The following FUT9 variants were observed in gnomAD, a reference collection of about 807,000 sequenced individuals.
The protein encoded by FUT9 is 4-galactosyl-N-acetylglucosaminide 3-alpha-L-fucosyltransferase 9.
A neutral mutation model predicts 29.7 loss-of-function variants in FUT9; 15 were observed. The observed-to-expected ratio is 0.51, with a 90% CI of 0.34 to 0.78. The LOEUF (loss-of-function observed/expected upper bound fraction) is 0.78, where lower values mean the gene tolerates loss of function less well. Among genes scored for constraint, FUT9 ranks in the 30% least tolerant of loss-of-function variants. FUT9 has a pLI of 0.01. For missense variants in FUT9, 319 were observed against 425.4 expected (o/e 0.75, Z 2.20); for synonymous variants, 169 against 153.7 (o/e 1.10, Z -0.74).
intron 2 of FUT9, among the ~76,000 whole-genome samples, chr6:96,138,384 A>T (rs143674566): frequency 6.3e-4 from 96 of 152,158 alleles, no homozygotes; most frequent in Middle Eastern, 3.4e-3. Context: ...CTGTAAAAAT[A>T]GATCAGGACG....
chr6:96,090,810 C>G (rs1384894966), intron 1 of FUT9, among the ~76,000 whole-genome samples: 1 of 151,814 alleles, frequency 6.6e-6, no homozygotes, highest in African/African-American at 2.4e-5. Context: ...GTAATTTAAA[C>G]ACCTAAAGTA....
intron 2 of FUT9, among the ~76,000 whole-genome samples, chr6:96,187,878 A>G (rs1450375001): frequency 6.6e-6 from 1 of 152,186 alleles, no homozygotes; most frequent in Admixed American, 6.6e-5. Flanking sequence ...TCAACAAAGC[A>G]GCACATAAGG....
Position 96,076,209 on chromosome 6 carries a change from C to T in FUT9, c.-97-37830C>T, listed in dbSNP as rs17778302. 2.5e-3 allele frequency among the ~76,000 whole-genome samples: 385 copies of T among 152,170 alleles called. 1 individual carries two copies. Among genetic ancestry groups the T allele is most frequent in the Non-Finnish European group, 3.9e-3 (266 of 67,996 alleles). On this transcript the variant is annotated intron_variant, in intron 1 of 2. Coordinates refer to ENST00000302103, the MANE Select transcript of FUT9 (RefSeq NM_006581.4). ...TTTGCATTTTCTACACCAAATGGTA[C>T]TTTATAACTTGATGTCAAGATTTAA... is the stretch of plus-strand genomic sequence containing the variant.
chr6:96,189,843 G>A (rs527356678), intron 2 of FUT9, among the ~76,000 whole-genome samples: 71 of 152,194 alleles, frequency 4.7e-4, no homozygotes, highest in African/African-American at 1.7e-3. Flanking sequence ...ACACTCATGG[G>A]TCTTGACTCT....
At chr6:96,132,605 G>A (rs1772268166) in intron 2 of FUT9, among the ~76,000 whole-genome samples, 1 of 152,064 alleles carries the variant, frequency 6.6e-6, no homozygotes, top group African/African-American at 2.4e-5. Context: ...GGACTTGTTA[G>A]CACTAAGCTA....
intron 2 of FUT9, among the ~76,000 whole-genome samples, chr6:96,162,201 T>C (rs1315967867): frequency 6.6e-6 from 1 of 152,238 alleles, no homozygotes; most frequent in Non-Finnish European, 1.5e-5. Context: ...GCTTTTTCTC[T>C]TCAAAACATG....
intron 2 of FUT9, among the ~76,000 whole-genome samples, chr6:96,129,984 A>T (rs2127968673): frequency 6.6e-6 from 1 of 152,186 alleles, no homozygotes; most frequent in Non-Finnish European, 1.5e-5. Flanking sequence ...CCACAGTTGT[A>T]GGGCTTAGCT....
chr6:96,094,951 CAGTGTACACGGTACCCAA>C (rs1472892416), intron 1 of FUT9, among the ~76,000 whole-genome samples: 1 of 152,082 alleles, frequency 6.6e-6, no homozygotes, highest in African/African-American at 2.4e-5. Flanking sequence ...ATCTCCTGAG[CAGTGTACACGGTACCCAA>C]AGTGTAGCAC....
At chr6:96,153,710 G>A (rs145438268) in intron 2 of FUT9, among the ~76,000 whole-genome samples, 72 of 152,252 alleles carry the variant, frequency 4.7e-4, no homozygotes, top group Middle Eastern at 3.4e-3. Context: ...AACCTCCTGA[G>A]ATCTCTCATT....
intron 2 of FUT9, among the ~76,000 whole-genome samples, chr6:96,153,987 A>C (rs930863606): frequency 9.9e-5 from 15 of 152,200 alleles, no homozygotes; most frequent in Admixed American, 9.8e-4. Context: ...TTTGATCATC[A>C]GACTGTATGT....
intron 2 of FUT9, among the ~76,000 whole-genome samples, chr6:96,149,070 T>G (rs1165643930): frequency 6.6e-6 from 1 of 151,780 alleles, no homozygotes; most frequent in Non-Finnish European, 1.5e-5. Flanking sequence ...GCAGGAGAAC[T>G]GCTTGAACTC....
At chr6:96,054,691 T>G (rs1055949471) in intron 1 of FUT9, among the ~76,000 whole-genome samples, 85 of 152,186 alleles carry the variant, frequency 5.6e-4, no homozygotes, top group African/African-American at 2.0e-3. Context: ...AATATTGATA[T>G]CAGCACATGG....
Position 96,214,444 on chromosome 6 carries a change from C to T in FUT9, c.*10209C>T, listed in dbSNP as rs1426385195. The T allele has an allele frequency of 4.8e-5, 8 of 166,816 alleles. No individual in the cohort carries two copies. The highest frequency in any genetic ancestry group is 4.4e-5 in the Non-Finnish European group (3 of 68,006). The allele number at this position is 166,816 out of a possible 1,614,324, so 10.3% of individuals were successfully genotyped here. ...AATCACTAGGGGAAGAAAAAGTAGG[C>T]CTACCCTTTTACTTATTAACTTAAG... On this transcript the variant is annotated 3_prime_UTR_variant, in exon 3 of 3. Transcript: ENST00000302103.
rs996317856 is a variant in FUT9 at position 96,147,201 on chromosome 6, G to A, written c.-9+33074G>A. 1.6e-4 allele frequency among the ~76,000 whole-genome samples: 24 copies of A among 145,822 alleles called. 1 individual carries two copies. Among genetic ancestry groups the A allele is most frequent in the South Asian group, 1.3e-3 (6 of 4,654 alleles). ...TCTTGAGATGGAGTCTCACTCTGTC[G>A]CCCAGGCTGGAGTGCAGTGGCCTGA... On this transcript the variant is annotated intron_variant, in intron 2 of 2. Transcript: ENST00000302103.
At chr6:96,097,189 C>G (rs1008853310) in intron 1 of FUT9, among the ~76,000 whole-genome samples, 1 of 152,232 alleles carries the variant, frequency 6.6e-6, no homozygotes, top group African/African-American at 2.4e-5. Flanking sequence ...AATGCATACT[C>G]TTCTTCTCAC....
intron 2 of FUT9, among the ~76,000 whole-genome samples, chr6:96,152,440 A>G (rs537031147): frequency 6.6e-6 from 1 of 152,294 alleles, no homozygotes; most frequent in African/African-American, 2.4e-5. Context: ...CCACTGGACC[A>G]AAAGTACTGG....
intron 2 of FUT9, among the ~76,000 whole-genome samples, chr6:96,145,831 A>T (rs6925707): frequency 0.55 from 84,218 of 151,958 alleles, 24,049 homozygotes; most frequent in East Asian, 0.68. Flanking sequence ...GGTCTCAGTA[A>T]GGATTTTGAT....
intron 2 of FUT9, among the ~76,000 whole-genome samples, chr6:96,200,830 G>C (rs892745872): frequency 5.3e-5 from 8 of 152,060 alleles, no homozygotes; most frequent in African/African-American, 1.9e-4. Flanking sequence ...AGATGGAATT[G>C]AGAGATTGTC....
intron 1 of FUT9, among the ~76,000 whole-genome samples, chr6:96,095,856 T>A (rs541606538): frequency 6.6e-6 from 1 of 152,148 alleles, no homozygotes; most frequent in Non-Finnish European, 1.5e-5. Flanking sequence ...TACCTTTCTA[T>A]GTCTACCTCT....
Sources: allele counts gnomAD v4.1 joint callset (sites outside exome capture counted in the v4.1 genomes callset), GRCh38; gene constraint gnomAD v4.1.1; transcripts MANE v1.5; gene names NCBI Gene and HGNC (gene_info 2026-07-23, HGNC 2026-07-21).